Variants in TMC7 observed in about 807,000 individuals in gnomAD.
TMC7 encodes transmembrane channel like 7.
Under a neutral mutation model 82.9 loss-of-function variants are expected in TMC7, and 54 were observed. That is an observed-to-expected ratio of 0.65 (90% CI 0.52 to 0.82). The LOEUF (loss-of-function observed/expected upper bound fraction) is 0.82. Ranked by LOEUF, TMC7 falls within the 40% of genes least tolerant of loss-of-function variation. The pLI, the probability that TMC7 is intolerant of heterozygous loss-of-function variation, is 0.00. For missense variants in TMC7, 820 were observed against 901.2 expected (o/e 0.91, Z 1.15); for synonymous variants, 350 against 337.9 (o/e 1.04, Z -0.39).
chr16:18,998,904 G>T (rs754847115), intron 1 of TMC7, among the ~76,000 whole-genome samples: 38 of 152,160 alleles, frequency 2.5e-4, no homozygotes, highest in Non-Finnish European at 2.9e-4. Context: ...CCACCCAGGT[G>T]CCAGTTGACG....
chr16:19,053,433 C>T (rs1004983973), intron 13 of TMC7, among the ~76,000 whole-genome samples: 6 of 150,660 alleles, frequency 4.0e-5, no homozygotes, highest in Admixed American at 1.3e-4. Context: ...GACAGAGTTT[C>T]GCTCTTGTTG....
chr16:19,037,447 G>C (rs1014016173), intron 7 of TMC7, among the ~76,000 whole-genome samples: 6 of 148,326 alleles, frequency 4.0e-5, no homozygotes, highest in African/African-American at 9.8e-5. Context: ...TGGTTTCTTG[G>C]GGGAGATGAA....
intron 1 of TMC7, among the ~76,000 whole-genome samples, chr16:18,987,499 C>T (rs146557393): frequency 3.4e-4 from 51 of 151,976 alleles, no homozygotes; most frequent in African/African-American, 1.2e-3. Context: ...TTAGTAGAAA[C>T]GGGCTTTCAC....
In TMC7 at chr16:19,030,745, A is replaced by G. The variant is rs375884245; in HGVS notation, c.857+376A>G. 1.3e-4 allele frequency among the ~76,000 whole-genome samples: 19 copies of G among 151,728 alleles called. 1 individual carries two copies. In the Middle Eastern group the frequency reaches 0.01, roughly 81 times the overall value. On this transcript the variant is annotated intron_variant, in intron 6 of 15. Transcript: ENST00000304381. ...AGGAACGTGCCACCATGCCTAGCTA[A>G]TTTTTGTATTTTTAGTAGAGTTTCA...
Position 19,035,699 on chromosome 16 carries a change from A to C in TMC7, c.881A>C (p.Asn294Thr). ...AGGTCGGTGGAAGGATTCAAAATCAACCTGATTCGGAGTGAGGAGCACTTT... is the reference window on the plus strand; with the variant it reads ...AGGTCGGTGGAAGGATTCAAAATCACCCTGATTCGGAGTGAGGAGCACTTT... ...VKRSVEGFKI[N>T]LIRSEEHFQS... is the part of the protein sequence containing the mutation. Residue 294 changes from asparagine (N) to threonine (T), a missense_variant, in exon 7 of 16, where the codon AAC becomes ACC. Coordinates refer to ENST00000304381, the MANE Select transcript of TMC7 (RefSeq NM_024847.4). 1 of 1,614,196 alleles carries C rather than the reference A, an allele frequency of 6.2e-7. No individual in the cohort carries two copies. Among genetic ancestry groups the C allele is most frequent in the Non-Finnish European group, 8.5e-7 (1 of 1,180,032 alleles).
At position 19,063,350 on chromosome 16, in the gene TMC7, T is replaced by A. The variant is rs1165931961; in HGVS notation, c.*1507T>A. 1.3e-5 allele frequency: 2 copies of A among 152,140 alleles called. No homozygotes were observed. Among genetic ancestry groups the A allele is most frequent in the African/African-American group, 4.8e-5 (2 of 41,430 alleles). 9.4% of individuals were successfully genotyped at this position (152,140 alleles called of 1,614,324 possible). A position where few individuals can be genotyped will look rare whatever the true frequency, so the allele number is the denominator to read the frequency against. ...GGCAGATCACCTGAAGTCAGAAGTT[T>A]GAGACCAGCCTGGTCAATGTGGCAA... On this transcript the variant is annotated 3_prime_UTR_variant, in exon 16 of 16. Transcript: ENST00000304381.
rs558252652 is a variant in TMC7 at position 18,984,263 on chromosome 16, G to A, written c.67+133G>A. ...CGACGCCGGGTGCTCCCGGCTCTGGGGAACAGCAGGTGGGAAGGAGATCTT... is the reference window on the plus strand; with the variant it reads ...CGACGCCGGGTGCTCCCGGCTCTGGAGAACAGCAGGTGGGAAGGAGATCTT... On this transcript the variant is annotated intron_variant, in intron 1 of 15. Coordinates refer to ENST00000304381, the MANE Select transcript of TMC7 (RefSeq NM_024847.4). 645 of 1,339,174 alleles carry A rather than the reference G, an allele frequency of 4.8e-4. 2 individuals are homozygous for A. The African/African-American group carries it at 9.3e-3, about 19-fold the overall frequency. 83.0% of individuals were successfully genotyped at this position (1,339,174 alleles called of 1,614,324 possible).
At chr16:19,048,109 A>AT (rs1302071713) in intron 12 of TMC7, among the ~76,000 whole-genome samples, 4 of 147,774 alleles carry the variant, frequency 2.7e-5, no homozygotes, top group Admixed American at 6.7e-5. Flanking sequence ...GAGCCAATGC[A>AT]TTTTTTTTAT....
intron 1 of TMC7, among the ~76,000 whole-genome samples, chr16:18,997,871 A>G (rs1486304955): frequency 1.3e-5 from 2 of 151,642 alleles, no homozygotes; most frequent in Non-Finnish European, 2.9e-5. Context: ...CTGGGACTAC[A>G]GGCACCCACC....
chr16:19,016,592 A>G lies in TMC7; in HGVS notation c.454A>G (p.Ile152Val), dbSNP rs780153828. 6.2e-7 allele frequency: 1 copy of G among 1,613,426 alleles called. No homozygotes were observed. The highest frequency in any genetic ancestry group is 8.5e-7 in the Non-Finnish European group (1 of 1,179,964). ...GCTGTGGCGGGAGGACATCCGCAGCATAGAAGGTATGCTGTCCTCACCTCT... is the reference window on the plus strand; with the variant it reads ...GCTGTGGCGGGAGGACATCCGCAGCGTAGAAGGTATGCTGTCCTCACCTCT... Reference protein sequence around the residue: ...LELWREDIRSIEGKFGTGIQS... With the variant: ...LELWREDIRSVEGKFGTGIQS... The change falls in exon 3 of 16, where the codon ATA becomes GTA. Residue 152 changes from isoleucine to valine, a missense_variant. This residue lies in a region of TMC7 where 650 missense variants were observed against 669.9 expected (regional missense o/e 0.97). Coordinates refer to ENST00000304381, the MANE Select transcript of TMC7 (RefSeq NM_024847.4).
chr16:19,045,226 C>A, intron 10 of TMC7, 115 bp from the exon 11 acceptor site: 1 of 929,246 alleles, frequency 1.1e-6, no homozygotes, highest in Non-Finnish European at 1.7e-6. Context: ...AGCTGATGCC[C>A]TCACTGGAGC....
intron 6 of TMC7, 59 bp from the exon 7 acceptor site, chr16:19,035,617 T>C: frequency 2.5e-6 from 4 of 1,607,840 alleles, no homozygotes; most frequent in Non-Finnish European, 3.4e-6. Flanking sequence ...CACAGCCAAT[T>C]CAGGGGACTC....
In TMC7 at chr16:18,984,146, G is replaced by C; in HGVS notation, c.67+16G>C. 1 of 1,490,446 alleles carries C rather than the reference G, an allele frequency of 6.7e-7. No homozygotes were observed. Among genetic ancestry groups the C allele is most frequent in the South Asian group, 1.3e-5 (1 of 78,876 alleles). 92.3% of individuals were successfully genotyped at this position (1,490,446 alleles called of 1,614,324 possible). On this transcript the variant is annotated intron_variant, in intron 1 of 15. Coordinates refer to ENST00000304381, the MANE Select transcript of TMC7 (RefSeq NM_024847.4). ...GTCCATCCAGGTAGGGCGGCAGGGA[G>C]CGCGCGCGGGGACGGTGCCCCTGGG...
chr16:19,016,152 A>G (rs1032543940), intron 2 of TMC7, among the ~76,000 whole-genome samples: 3 of 151,760 alleles, frequency 2.0e-5, no homozygotes, highest in Non-Finnish European at 2.9e-5. Flanking sequence ...GCTGGAGTGC[A>G]ATGGCACCAT....
chr16:18,994,934 A>C (rs1223671913), intron 1 of TMC7, among the ~76,000 whole-genome samples: 5 of 152,128 alleles, frequency 3.3e-5, no homozygotes, highest in Admixed American at 2.6e-4. Context: ...TAAGGGGTGC[A>C]TGATCCGTTG....
At chr16:19,030,654 C>T (rs1030437671) in intron 6 of TMC7, among the ~76,000 whole-genome samples, 2 of 151,508 alleles carry the variant, frequency 1.3e-5, no homozygotes, top group Non-Finnish European at 2.9e-5. Flanking sequence ...TCTCGGCTCA[C>T]TGCAACCTCT....
At chr16:19,039,582 G>T (rs890453211) in intron 8 of TMC7, among the ~76,000 whole-genome samples, 2 of 152,156 alleles carry the variant, frequency 1.3e-5, no homozygotes, top group East Asian at 3.8e-4. Flanking sequence ...AGCTACAAGG[G>T]AGGCTAGGAA....
At chr16:19,014,532 G>A (rs1018540039) in intron 2 of TMC7, among the ~76,000 whole-genome samples, 6 of 152,214 alleles carry the variant, frequency 3.9e-5, no homozygotes, top group Non-Finnish European at 5.9e-5. Context: ...GGGTGGAGGC[G>A]TGTGCCGTGT....
chr16:19,042,683 A>AT (rs1234303693), intron 9 of TMC7, among the ~76,000 whole-genome samples: 2 of 149,048 alleles, frequency 1.3e-5, no homozygotes, highest in Non-Finnish European at 3.0e-5. Context: ...AATTTTTTGT[A>AT]TTTTTTAGTA....
Sources: gnomAD v4.1 joint callset for allele counts (sites outside exome capture counted in the v4.1 genomes callset) on GRCh38, gnomAD v4.1.1 for gene constraint, gnomAD v4.1.1 regional missense constraint, MANE v1.5 for transcripts, NCBI Gene and HGNC (gene_info 2026-07-23, HGNC 2026-07-21) for gene names.